Variants in NBEA observed in about 807,000 individuals in gnomAD.
NBEA encodes lysosomal-trafficking regulator 2.
Under a neutral mutation model 343.4 loss-of-function variants are expected in NBEA, and 44 were observed. That is an observed-to-expected ratio of 0.13 (90% CI 0.10 to 0.16). The LOEUF (loss-of-function observed/expected upper bound fraction) is 0.16. Ranked by LOEUF, NBEA falls within the 10% of genes least tolerant of loss-of-function variation. The pLI is 1.00. For missense variants in NBEA, 2,555 were observed against 3,631.3 expected (o/e 0.70, Z 7.62); for synonymous variants, 1,175 against 1,238.7 (o/e 0.95, Z 1.08).
chr13:35,013,665 C>T (rs897884686), intron 1 of NBEA, among the ~76,000 whole-genome samples: 4 of 152,024 alleles, frequency 2.6e-5, no homozygotes, highest in African/African-American at 9.7e-5. Flanking sequence ...GACGGAATTT[C>T]ACCATGTTGG....
chr13:35,330,145 G>C (rs532928650), intron 36 of NBEA, among the ~76,000 whole-genome samples: 2 of 152,002 alleles, frequency 1.3e-5, no homozygotes, highest in African/African-American at 4.8e-5. Context: ...CTTTGAGCAA[G>C]TTACTTAATC....
At chr13:35,456,092 G>C (rs1180382100) in intron 40 of NBEA, among the ~76,000 whole-genome samples, 2 of 151,888 alleles carry the variant, frequency 1.3e-5, no homozygotes. Flanking sequence ...AATCAATCTG[G>C]TAAGTTAAAA....
Position 34,981,823 on chromosome 13 carries a change from A to T in NBEA, c.294+38709A>T, listed in dbSNP as rs192017600. Among the ~76,000 whole-genome samples the T allele has an allele frequency of 7.5e-3, 1,133 of 150,866 alleles. 12 individuals are homozygous for T. The highest frequency in any genetic ancestry group is 0.026 in the African/African-American group (1,073 of 41,106). Reference sequence around the variant, plus strand: ...GTCAGTAAATTGTGTTTTGCAAGGGATTTATTTGTGTCATCTAAGTAGTTG... The same window carrying T: ...GTCAGTAAATTGTGTTTTGCAAGGGTTTTATTTGTGTCATCTAAGTAGTTG... On this transcript the variant is annotated intron_variant, in intron 1 of 58. Coordinates refer to ENST00000379939, the MANE Select transcript of NBEA (RefSeq NM_001385012.1).
chr13:35,112,041 C>T (rs1380479829), intron 13 of NBEA, among the ~76,000 whole-genome samples: 3 of 151,070 alleles, frequency 2.0e-5, no homozygotes, highest in African/African-American at 4.9e-5. Context: ...CTCAGCCTCC[C>T]GAGTAGCTGG....
At chr13:35,439,384 A>T (rs774311960) in intron 39 of NBEA, among the ~76,000 whole-genome samples, 10 of 152,174 alleles carry the variant, frequency 6.6e-5, no homozygotes, top group African/African-American at 9.7e-5. Flanking sequence ...CGTACAAGTA[A>T]AGGCTTATGA....
intron 34 of NBEA, among the ~76,000 whole-genome samples, chr13:35,277,010 A>T (rs2034632418): frequency 6.6e-6 from 1 of 152,212 alleles, no homozygotes; most frequent in Admixed American, 6.5e-5. Flanking sequence ...GAAAGCATGC[A>T]TGCAGAACAA....
intron 10 of NBEA, among the ~76,000 whole-genome samples, chr13:35,089,922 A>T (rs1163952869): frequency 1.4e-5 from 1 of 69,428 alleles, no homozygotes; most frequent in South Asian, 6.3e-4. Flanking sequence ...GGGTGGGGGG[A>T]GGGGGGAGGG....
At chr13:35,222,598 A>C (rs2074430669) in intron 33 of NBEA, among the ~76,000 whole-genome samples, 1 of 151,968 alleles carries the variant, frequency 6.6e-6, no homozygotes, top group South Asian at 2.1e-4. Context: ...ATATTGTCTT[A>C]TTGTAGACAA....
chr13:35,093,089 A>G (rs1023539290), intron 10 of NBEA, among the ~76,000 whole-genome samples: 2 of 152,086 alleles, frequency 1.3e-5, no homozygotes, highest in Non-Finnish European at 2.9e-5. Context: ...AGAAGGCTAC[A>G]GACTGTATGA....
chr13:35,194,754 T>A (rs1460988017), intron 30 of NBEA, among the ~76,000 whole-genome samples: 1 of 152,104 alleles, frequency 6.6e-6, no homozygotes, highest in Non-Finnish European at 1.5e-5. Flanking sequence ...GAGAACTTTA[T>A]TACATTAACC....
Position 35,306,512 on chromosome 13 carries a change from T to C in NBEA, c.5839-3016T>C, listed in dbSNP as rs184522540. On this transcript the variant is annotated intron_variant, in intron 35 of 58. Coordinates refer to ENST00000379939, the MANE Select transcript of NBEA (RefSeq NM_001385012.1). ...TTAATGTATACAATATCTTCATATG[T>C]CCCAGTTTTATTACTACATTTTTTT... Among the ~76,000 whole-genome samples the C allele has an allele frequency of 2.6e-3, 397 of 152,192 alleles. 2 individuals carry two copies. Among genetic ancestry groups the C allele is most frequent in the Middle Eastern group, 0.017 (5 of 294 alleles).
At chr13:35,555,380 A>T (rs907046292) in intron 44 of NBEA, among the ~76,000 whole-genome samples, 2 of 152,088 alleles carry the variant, frequency 1.3e-5, no homozygotes, top group African/African-American at 4.8e-5. Flanking sequence ...CCATTGCCAG[A>T]GTGTCTGGAA....
intron 35 of NBEA, among the ~76,000 whole-genome samples, chr13:35,305,650 A>G (rs1015566157): frequency 6.6e-6 from 1 of 152,118 alleles, no homozygotes; most frequent in Non-Finnish European, 1.5e-5. Flanking sequence ...ACATAGTATG[A>G]CTCCCAGGAT....
intron 1 of NBEA, among the ~76,000 whole-genome samples, chr13:34,988,777 T>C (rs911754443): frequency 6.6e-6 from 1 of 151,256 alleles, no homozygotes; most frequent in Admixed American, 6.6e-5. Context: ...CTGTCTTGTT[T>C]ATTTGCATGG....
chr13:35,525,368 A>G (rs1566266332), intron 41 of NBEA, among the ~76,000 whole-genome samples: 2 of 152,184 alleles, frequency 1.3e-5, no homozygotes, highest in East Asian at 3.9e-4. Flanking sequence ...CCTGGCCAAC[A>G]TGGCAAAACC....
chr13:35,131,509 T>G (rs1013931299), intron 17 of NBEA, among the ~76,000 whole-genome samples: 2 of 152,186 alleles, frequency 1.3e-5, no homozygotes, highest in Admixed American at 1.3e-4. Flanking sequence ...GTCATAAAAA[T>G]TTTTAGCAAA....
intron 34 of NBEA, among the ~76,000 whole-genome samples, chr13:35,250,267 A>G (rs1421289418): frequency 6.6e-6 from 1 of 152,220 alleles, no homozygotes; most frequent in Non-Finnish European, 1.5e-5. Flanking sequence ...GGAAAGGTAT[A>G]TGTCTAACAA....
chr13:35,148,600 A>AAT (rs372521795), intron 18 of NBEA, among the ~76,000 whole-genome samples: 74 of 151,664 alleles, frequency 4.9e-4, no homozygotes, highest in Non-Finnish European at 9.4e-4. Context: ...AATACTTAAG[A>AAT]ATATATATAT....
intron 41 of NBEA, among the ~76,000 whole-genome samples, chr13:35,528,512 A>C (rs1048752462): frequency 6.6e-6 from 1 of 152,246 alleles, no homozygotes; most frequent in Non-Finnish European, 1.5e-5. Flanking sequence ...AATAAGGTTA[A>C]TATTTTAAAA....
Sources: allele counts gnomAD v4.1 joint callset (sites outside exome capture counted in the v4.1 genomes callset), GRCh38; gene constraint gnomAD v4.1.1; transcripts MANE v1.5; gene names NCBI Gene and HGNC (gene_info 2026-07-23, HGNC 2026-07-21).